Variants in SYBU observed in about 807,000 individuals in gnomAD.
SYBU encodes GOLSYN A protein.
A neutral mutation model predicts 35.9 loss-of-function variants in SYBU; 21 were observed. The observed-to-expected ratio is 0.58, with a 90% CI of 0.41 to 0.84. The LOEUF is 0.84. SYBU is among the 40% of genes least tolerant of loss of function. SYBU has a pLI of 0.00. For missense variants in SYBU, 768 were observed against 848.2 expected (o/e 0.91, Z 1.17); for synonymous variants, 319 against 324.3 (o/e 0.98, Z 0.18).
At chr8:109,638,320 AG>A (rs985431604) in intron 2 of SYBU, among the ~76,000 whole-genome samples, 1 of 152,174 alleles carries the variant, frequency 6.6e-6, no homozygotes, top group African/African-American at 2.4e-5. Context: ...CTTTTCTAAC[AG>A]TGGCTAGGGT....
At chr8:109,591,636 C>T (rs1431534945) in intron 3 of SYBU, among the ~76,000 whole-genome samples, 2 of 149,376 alleles carry the variant, frequency 1.3e-5, no homozygotes, top group African/African-American at 5.0e-5. Context: ...CTCAGCCTCC[C>T]GAGTAGCTGG....
intron 1 of SYBU, among the ~76,000 whole-genome samples, chr8:109,669,255 T>G (rs1816879755): frequency 1.4e-5 from 2 of 139,270 alleles, no homozygotes; most frequent in South Asian, 4.5e-4. Context: ...GGCAGGAGAA[T>G]GGCGTGAGCC....
chr8:109,598,838 T>C (rs760620680), intron 3 of SYBU, among the ~76,000 whole-genome samples: 20 of 152,254 alleles, frequency 1.3e-4, no homozygotes, highest in Non-Finnish European at 2.8e-4. Flanking sequence ...GGCATTCTCA[T>C]TGAATCTTCA....
chr8:109,596,372 TTGTTTA>T (rs1824878862), intron 3 of SYBU, among the ~76,000 whole-genome samples: 1 of 152,206 alleles, frequency 6.6e-6, no homozygotes, highest in South Asian at 2.1e-4. Context: ...TATTTATGTT[TTGTTTA>T]TGTTTAATAT....
intron 1 of SYBU, among the ~76,000 whole-genome samples, chr8:109,658,663 T>TTA (rs1816445903): frequency 7.3e-6 from 1 of 136,396 alleles, no homozygotes; most frequent in Non-Finnish European, 1.5e-5. Context: ...CTATTAATAA[T>TTA]TATATTCATG....
At chr8:109,641,099 A>G (rs1200922632) in intron 2 of SYBU, among the ~76,000 whole-genome samples, 1 of 152,230 alleles carries the variant, frequency 6.6e-6, no homozygotes, top group Non-Finnish European at 1.5e-5. Context: ...ACTGTGAAAC[A>G]TTCTTCACTA....
Position 109,686,144 on chromosome 8 carries a change from C to CT in SYBU, c.-58+5188dup, listed in dbSNP as rs796318616. 6.0e-3 allele frequency among the ~76,000 whole-genome samples: 869 copies of CT among 144,546 alleles called. 4 individuals are homozygous for CT. Among genetic ancestry groups the CT allele is most frequent in the Non-Finnish European group, 8.0e-3 (526 of 65,586 alleles). The allele number at this position is 144,546 out of a possible 152,430, so 94.8% of individuals were successfully genotyped here. On this transcript the variant is annotated intron_variant, in intron 1 of 7. Coordinates refer to the SYBU transcript ENST00000422135. ...GTAAGTCATTAACTGGAAGAAATGC[C>CT]TTTTTTTTTTTTCTTTCTGTACCTA...
At chr8:109,590,001 A>G (rs1269016569) in intron 3 of SYBU, among the ~76,000 whole-genome samples, 1 of 150,184 alleles carries the variant, frequency 6.7e-6, no homozygotes, top group Non-Finnish European at 1.5e-5. Context: ...GAGGCAGTAA[A>G]TTAAAAAAAA....
chr8:109,581,147 G>A (rs2131228504), intron 4 of SYBU: 1 of 152,274 alleles, frequency 6.6e-6, no homozygotes, highest in Admixed American at 6.5e-5. Context: ...ATACTTATTT[G>A]TCCTTCCTGC....
intron 3 of SYBU, among the ~76,000 whole-genome samples, chr8:109,618,215 T>C (rs1320280441): frequency 6.6e-6 from 1 of 152,242 alleles, no homozygotes; most frequent in Non-Finnish European, 1.5e-5. Context: ...TACAAAATAT[T>C]CATTTACATA....
At chr8:109,668,136 G>GC (rs1390183870) in intron 1 of SYBU, among the ~76,000 whole-genome samples, 2 of 125,888 alleles carry the variant, frequency 1.6e-5, no homozygotes, top group Non-Finnish European at 3.3e-5. Context: ...AGGGAGGGGG[G>GC]AAGGAAGAAG....
intron 3 of SYBU, among the ~76,000 whole-genome samples, chr8:109,616,056 G>A (rs565226007): frequency 9.5e-6 from 1 of 105,556 alleles, no homozygotes; most frequent in East Asian, 3.1e-4. Flanking sequence ...CTGTCACCCA[G>A]GCTGGAGTGC....
In SYBU at chr8:109,580,006, G is replaced by A. The variant is rs1237040084; in HGVS notation, c.531-4C>T. The A allele has an allele frequency of 6.2e-7, 1 of 1,611,718 alleles. No individual in the cohort carries two copies. Among genetic ancestry groups the A allele is most frequent in the East Asian group, 2.2e-5 (1 of 44,852 alleles). On this transcript the variant is annotated splice_region_variant and splice_polypyrimidine_tract_variant and intron_variant, in intron 4 of 6. Coordinates refer to ENST00000276646, the MANE Select transcript of SYBU (RefSeq NM_001099754.2). ...ACTCCGCCCATGAGGACCTCGACTGGGAGAAAAGAATGAAAAATGTTAAAA... is the reference window on the plus strand; with the variant it reads ...ACTCCGCCCATGAGGACCTCGACTGAGAGAAAAGAATGAAAAATGTTAAAA...
intron 2 of SYBU, among the ~76,000 whole-genome samples, chr8:109,622,187 ATCT>A (rs1812479757): frequency 4.7e-5 from 6 of 127,750 alleles, no homozygotes; most frequent in African/African-American, 2.7e-4. Context: ...ATGAGTATCT[ATCT>A]ATCTATCTAT....
chr8:109,576,042 T>TAA (rs71305959), intron 6 of SYBU, 29 bp from the exon 7 acceptor site: 22,100 of 836,598 alleles, frequency 0.026, 165 homozygotes, highest in Non-Finnish European at 0.03. Context: ...CATGGTTAAT[T>TAA]AAAAAAAAAA....
chr8:109,619,464 C>T (rs1812194997), intron 2 of SYBU, among the ~76,000 whole-genome samples: 1 of 152,056 alleles, frequency 6.6e-6, no homozygotes, highest in South Asian at 2.1e-4. Flanking sequence ...TGGCCTCAAG[C>T]GATCCATCTG....
Position 109,691,317 on chromosome 8 carries a change from G to A in SYBU, c.-58+16C>T. 1.4e-6 allele frequency: 1 copy of A among 701,038 alleles called. No individual in the cohort carries two copies. Among genetic ancestry groups the A allele is most frequent in the East Asian group, 2.7e-5 (1 of 37,026 alleles). 43.4% of individuals were successfully genotyped at this position (701,038 alleles called of 1,614,324 possible). ...GGGCACTGACAGCAGAGACCGCATA[G>A]GCGCCCCGGTCTTACCCTTTCTCGC... On this transcript the variant is annotated intron_variant, in intron 1 of 7. Transcript: ENST00000422135. The surrounding 1 kb of genome is among the most constrained non-coding windows in gnomAD (Gnocchi z 4.7).
chr8:109,616,066 C>T (rs1811753588), intron 3 of SYBU, among the ~76,000 whole-genome samples: 2 of 125,986 alleles, frequency 1.6e-5, no homozygotes, highest in South Asian at 5.3e-4. Flanking sequence ...GGCTGGAGTG[C>T]AGTGGCATGA....
At chr8:109,591,276 T>TA (rs1308060979) in intron 3 of SYBU, among the ~76,000 whole-genome samples, 1 of 152,186 alleles carries the variant, frequency 6.6e-6, no homozygotes, top group Admixed American at 6.6e-5. Context: ...AGATAATATG[T>TA]AACCTGCCAT....
Sources: allele counts gnomAD v4.1 joint callset (sites outside exome capture counted in the v4.1 genomes callset), GRCh38; gene constraint gnomAD v4.1.1; non-coding constraint Gnocchi (gnomAD v3.1); transcripts MANE v1.5; gene names NCBI Gene and HGNC (gene_info 2026-07-23, HGNC 2026-07-21).